Variants in DYNC2H1 observed in about 807,000 individuals in gnomAD.
The protein encoded by DYNC2H1 is dynein cytoplasmic 2 heavy chain 1, also known as cytoplasmic dynein 2 heavy chain 1.
DYNC2H1 carries 410 observed loss-of-function variants against 570.0 expected under a neutral mutation model. That is an observed-to-expected ratio of 0.72 (90% CI 0.66 to 0.78). The LOEUF is 0.78. Among genes scored for constraint, DYNC2H1 ranks in the 30% least tolerant of loss-of-function variants. The pLI, the probability that DYNC2H1 is intolerant of heterozygous loss-of-function variation, is 0.00. For synonymous variants in DYNC2H1, 1,688 were observed against 1,677.6 expected (o/e 1.01, Z -0.15); for missense variants, 4,865 against 5,046.4 (o/e 0.96, Z 1.09).
chr11:103,190,196 C>T (rs1011963663), intron 45 of DYNC2H1, among the ~76,000 whole-genome samples: 2 of 152,122 alleles, frequency 1.3e-5, no homozygotes, highest in African/African-American at 2.4e-5. Context: ...TTTCTTTCTT[C>T]CTGACTGTGA....
intron 83 of DYNC2H1, among the ~76,000 whole-genome samples, chr11:103,362,758 A>C (rs1591632846): frequency 6.6e-6 from 1 of 152,298 alleles, no homozygotes; most frequent in African/African-American, 2.4e-5. Context: ...GGCTGGGCGC[A>C]GTGGCTCACG....
chr11:103,456,330 C>T lies in DYNC2H1; in HGVS notation c.12622C>T (p.Leu4208=), dbSNP rs752163457. 18 of 1,606,334 alleles carry T rather than the reference C, an allele frequency of 1.1e-5. No individual in the cohort carries two copies. The highest frequency in any genetic ancestry group is 4.3e-6 in the Non-Finnish European group (5 of 1,176,052). ...ATTTGTAGCCTCATGGAAAGGTCGA[C>T]TGCAAGAAGCAAAGCTACAAATTAA... ...LKFVASWKGR[L]QEAKLQIKIS... The change falls in exon 87 of 89, where the codon CTG becomes TTG. Residue 4208 remains leucine (L), a synonymous_variant. Coordinates refer to ENST00000375735, the MANE Select transcript of DYNC2H1 (RefSeq NM_001377.3).
chr11:103,243,919 T>C lies in DYNC2H1; in HGVS notation c.9918+128T>C. On this transcript the variant is annotated intron_variant, in intron 64 of 88. Coordinates refer to ENST00000375735, the MANE Select transcript of DYNC2H1 (RefSeq NM_001377.3). The surrounding 1 kb of genome is among the most constrained non-coding windows in gnomAD (Gnocchi z 4.8). Reference sequence around the variant, plus strand: ...ACTGTATGGGACCTTGGGCGAGAGATATAACTCTTAGCTTCAGTTTTCTAA... The same window carrying C: ...ACTGTATGGGACCTTGGGCGAGAGACATAACTCTTAGCTTCAGTTTTCTAA... The C allele has an allele frequency of 1.9e-6, 1 of 533,036 alleles. No individual in the cohort carries two copies. Among genetic ancestry groups the C allele is most frequent in the Non-Finnish European group, 3.1e-6 (1 of 318,462 alleles). 33.0% of individuals were successfully genotyped at this position (533,036 alleles called of 1,614,324 possible). A position where few individuals can be genotyped will look rare whatever the true frequency, so the allele number is the denominator to read the frequency against.
intron 88 of DYNC2H1, among the ~76,000 whole-genome samples, chr11:103,477,467 T>A (rs985194123): frequency 1.3e-5 from 2 of 152,238 alleles, no homozygotes; most frequent in African/African-American, 2.4e-5. Context: ...AATACAATTA[T>A]GAACTCATGA....
At chr11:103,359,547 CTA>C (rs1940527507) in intron 83 of DYNC2H1, among the ~76,000 whole-genome samples, 1 of 151,988 alleles carries the variant, frequency 6.6e-6, no homozygotes, top group African/African-American at 2.4e-5. Flanking sequence ...GTAAAGAAGA[CTA>C]TACGAATGAC....
intron 37 of DYNC2H1, among the ~76,000 whole-genome samples, chr11:103,176,812 TCTC>T (rs894127072): frequency 1.8e-4 from 28 of 152,028 alleles, no homozygotes; most frequent in Admixed American, 9.2e-4. Context: ...TTCAAACAAT[TCTC>T]CTGCCTCAGC....
At chr11:103,310,572 G>A (rs1867530029) in intron 78 of DYNC2H1, among the ~76,000 whole-genome samples, 1 of 151,276 alleles carries the variant, frequency 6.6e-6, no homozygotes, top group Non-Finnish European at 1.5e-5. Flanking sequence ...CAGAAATTTG[G>A]CCTTATCTAT....
At position 103,255,414 on chromosome 11, in the gene DYNC2H1, G is replaced by A; in HGVS notation, c.10207-1G>A. The stretch of plus-strand genomic sequence containing the variant: ...TTACCTTGTCTTTTTGTTATCCCAA[G>A]CTTTTAGCTTTAACCATTCAGCATG... On this transcript the variant is annotated splice_acceptor_variant, in intron 66 of 88. Coordinates refer to ENST00000375735, the MANE Select transcript of DYNC2H1 (RefSeq NM_001377.3). LOFTEE classifies it high-confidence loss of function. The A allele has an allele frequency of 1.3e-6, 2 of 1,553,286 alleles. No individual in the cohort carries two copies. The highest frequency in any genetic ancestry group is 1.7e-6 in the Non-Finnish European group (2 of 1,148,726).
chr11:103,306,304 T>C (rs911370976), intron 77 of DYNC2H1, among the ~76,000 whole-genome samples: 9 of 152,244 alleles, frequency 5.9e-5, no homozygotes, highest in African/African-American at 1.7e-4. Flanking sequence ...TAGCTACTAA[T>C]CTATGTAAAA....
Position 103,440,029 on chromosome 11 carries a change from CCT to C in DYNC2H1, c.12456+3998_12456+3999del, listed in dbSNP as rs1293052410. 3.3e-5 allele frequency among the ~76,000 whole-genome samples: 5 copies of C among 152,112 alleles called. No individual in the cohort carries two copies. The East Asian group carries it at 9.7e-4, about 29-fold the overall frequency. ...TTCTAAATTCTAGCGTGTTCTCTAC[CCT>C]GTTTGTAAATCTTACATTGTCAGCT... On this transcript the variant is annotated intron_variant, in intron 85 of 88. Transcript: ENST00000375735.
intron 88 of DYNC2H1, among the ~76,000 whole-genome samples, chr11:103,471,239 T>C (rs1413022874): frequency 6.6e-6 from 1 of 152,210 alleles, no homozygotes; most frequent in Non-Finnish European, 1.5e-5. Context: ...AAGAATTTGT[T>C]AGTGCTTCCC....
intron 83 of DYNC2H1, among the ~76,000 whole-genome samples, chr11:103,390,359 C>A (rs1049400670): frequency 6.7e-5 from 10 of 150,260 alleles, no homozygotes; most frequent in African/African-American, 2.5e-4. Flanking sequence ...GATAGATTTT[C>A]CTCCATCCCT....
intron 82 of DYNC2H1, among the ~76,000 whole-genome samples, chr11:103,353,319 G>A (rs1443757501): frequency 2.0e-5 from 3 of 152,054 alleles, no homozygotes; most frequent in Non-Finnish European, 4.4e-5. Flanking sequence ...AAAAATGATT[G>A]TCTGTTCTCC....
In DYNC2H1 at chr11:103,289,234, G is replaced by A. The variant is rs1866490637; in HGVS notation, c.11095+1629G>A. Among the ~76,000 whole-genome samples, 1 of 152,128 alleles carries A rather than the reference G, an allele frequency of 6.6e-6. No homozygotes were observed. Among genetic ancestry groups the A allele is most frequent in the African/African-American group, 2.4e-5 (1 of 41,404 alleles). ...AACTCTGATCCTGAATGCTCAGGGA[G>A]GCTGATTTAAGTAATAATAAAACCC... On this transcript the variant is annotated intron_variant, in intron 75 of 88. Coordinates refer to ENST00000375735, the MANE Select transcript of DYNC2H1 (RefSeq NM_001377.3). The surrounding 1 kb of genome is among the most constrained non-coding windows in gnomAD (Gnocchi z 4.2).
At chr11:103,110,236 G>A (rs1246362832) in intron 1 of DYNC2H1, among the ~76,000 whole-genome samples, 1 of 152,042 alleles carries the variant, frequency 6.6e-6, no homozygotes, top group African/African-American at 2.4e-5. Flanking sequence ...GGCCATGTGG[G>A]TCTCCATCTC....
intron 21 of DYNC2H1, 104 bp from the exon 22 acceptor site, chr11:103,153,198 AT>A: frequency 6.2e-6 from 6 of 960,876 alleles, no homozygotes; most frequent in Non-Finnish European, 7.5e-6. Flanking sequence ...GACATTGGTC[AT>A]TGATATTTTT....
In DYNC2H1 at chr11:103,200,622, A is replaced by T. The variant is rs189555492; in HGVS notation, c.8197+468A>T. 2.0e-4 allele frequency among the ~76,000 whole-genome samples: 30 copies of T among 152,282 alleles called. No individual in the cohort carries two copies. In the East Asian group the frequency reaches 4.2e-3, roughly 22 times the overall value. ...CTATCAGTAGTGGCATGGTTGTATA[A>T]CTATATAATAGTATGGCCTTAGTAT... On this transcript the variant is annotated intron_variant, in intron 50 of 88. Coordinates refer to ENST00000375735, the MANE Select transcript of DYNC2H1 (RefSeq NM_001377.3).
intron 82 of DYNC2H1, among the ~76,000 whole-genome samples, chr11:103,344,832 A>G (rs1407927498): frequency 6.6e-6 from 1 of 152,174 alleles, no homozygotes; most frequent in Non-Finnish European, 1.5e-5. Context: ...AAAACATTAC[A>G]AGTGTGAGGA....
At chr11:103,214,569 C>T (rs921726080) in intron 54 of DYNC2H1, among the ~76,000 whole-genome samples, 37 of 151,440 alleles carry the variant, frequency 2.4e-4, no homozygotes, top group Admixed American at 5.3e-4. Flanking sequence ...CTCAGCCTCC[C>T]GAGTAGCTGC....
Sources: allele counts gnomAD v4.1 joint callset (sites outside exome capture counted in the v4.1 genomes callset), GRCh38; gene constraint gnomAD v4.1.1; non-coding constraint Gnocchi (gnomAD v3.1); transcripts MANE v1.5; gene names NCBI Gene and HGNC (gene_info 2026-07-23, HGNC 2026-07-21).